Variants in TMEM184B observed in about 807,000 individuals in gnomAD.
TMEM184B encodes the protein putative MAPK-activating protein FM08.
Under a neutral mutation model 41.8 loss-of-function variants are expected in TMEM184B, and 17 were observed. The observed-to-expected ratio is 0.41, with a 90% CI of 0.28 to 0.61. The LOEUF is 0.61. TMEM184B is among the 20% of genes least tolerant of loss of function. The pLI is 0.34. For missense variants in TMEM184B, 393 were observed against 557.8 expected (o/e 0.70, Z 2.98); for synonymous variants, 240 against 229.5 (o/e 1.05, Z -0.41).
At chr22:38,244,541 C>T (rs1227470589) in intron 3 of TMEM184B, among the ~76,000 whole-genome samples, 1 of 152,080 alleles carries the variant, frequency 6.6e-6, no homozygotes, top group Non-Finnish European at 1.5e-5. Flanking sequence ...ACCACAACCT[C>T]TGCCTCCCAG....
chr22:38,222,014 G>A (rs1487740455), intron 8 of TMEM184B: 3 of 443,438 alleles, frequency 6.8e-6, no homozygotes, highest in African/African-American at 4.0e-5. Context: ...GCTATGGGCA[G>A]TGAGCCTAGA....
chr22:38,245,905 C>T, intron 3 of TMEM184B, 30 bp downstream of exon 3: 1 of 1,479,446 alleles, frequency 6.8e-7, no homozygotes, highest in African/African-American at 1.4e-5. Flanking sequence ...AGCCCCCCGC[C>T]AGCCCTCCCC....
At chr22:38,259,746 G>A (rs1444096280) in intron 1 of TMEM184B, among the ~76,000 whole-genome samples, 1 of 152,132 alleles carries the variant, frequency 6.6e-6, no homozygotes, top group Non-Finnish European at 1.5e-5. Context: ...GCATTTTATT[G>A]GTTTTTCTTA....
chr22:38,220,215 G>C lies in TMEM184B; in HGVS notation c.*1254C>G. ...CGGAGGCCCCAGGTCTAGAGGTGTG[G>C]AGGGGGAGAGGAGGGGCTTGGTGGT... is the stretch of plus-strand genomic sequence containing the variant. On this transcript the variant is annotated 3_prime_UTR_variant, in exon 9 of 9. Coordinates refer to ENST00000361906, the MANE Select transcript of TMEM184B (RefSeq NM_012264.5). 1.0e-6 allele frequency: 1 copy of C among 985,854 alleles called. No individual in the cohort carries two copies. The highest frequency in any genetic ancestry group is 1.2e-6 in the Non-Finnish European group (1 of 830,064). The allele number at this position is 985,854 out of a possible 1,614,324, so 61.1% of individuals were successfully genotyped here.
intron 8 of TMEM184B, among the ~76,000 whole-genome samples, chr22:38,224,411 G>A (rs1222352707): frequency 1.3e-5 from 2 of 152,216 alleles, no homozygotes; most frequent in Non-Finnish European, 2.9e-5. Context: ...ACCGTGCCCG[G>A]CCAGAAGTAT....
At position 38,247,868 on chromosome 22, in the gene TMEM184B, G is replaced by A; in HGVS notation, c.94C>T (p.Pro32Ser). The A allele has an allele frequency of 6.2e-7, 1 of 1,613,040 alleles. No homozygotes were observed. The highest frequency in any genetic ancestry group is 1.1e-5 in the South Asian group (1 of 90,810). The change falls in exon 2 of 9, where the codon CCC becomes TCC. Residue 32 changes from proline (P) to serine (S), a missense_variant. By Grantham distance (74) the Pro-to-Ser change is moderately conservative. Around this residue, in one of 2 missense-constraint regions of TMEM184B, gnomAD observed 122 missense variants for 123.7 expected, o/e 0.99. Coordinates refer to ENST00000361906, the MANE Select transcript of TMEM184B (RefSeq NM_012264.5). ...PSVSVIPEGSPTAMEQPVFLM... is the reference protein window; with the variant it reads ...PSVSVIPEGSSTAMEQPVFLM... ...AACACAGGCTGCTCCATGGCAGTGG[G>A]GCTGCCCTCGGGGATCACGGAGACG...
intron 1 of TMEM184B, among the ~76,000 whole-genome samples, chr22:38,253,055 T>C (rs1412771435): frequency 1.3e-5 from 2 of 152,012 alleles, no homozygotes; most frequent in East Asian, 3.9e-4. Flanking sequence ...GGCAGGAGAA[T>C]GGCGTGAACC....
chr22:38,231,166 C>T, intron 4 of TMEM184B, 78 bp downstream of exon 4: 1 of 1,226,352 alleles, frequency 8.2e-7, no homozygotes, highest in East Asian at 2.3e-5. Context: ...CTGTGTCCAG[C>T]TGGTGCCAGG....
chr22:38,266,383 G>A (rs1306310664), intron 1 of TMEM184B, among the ~76,000 whole-genome samples: 1 of 152,250 alleles, frequency 6.6e-6, no homozygotes, highest in Non-Finnish European at 1.5e-5. Flanking sequence ...GGCAGACAGG[G>A]TACGAATAGC....
intron 3 of TMEM184B, among the ~76,000 whole-genome samples, chr22:38,234,708 G>T (rs1333667651): frequency 6.6e-6 from 1 of 152,128 alleles, no homozygotes; most frequent in African/African-American, 2.4e-5. Flanking sequence ...CTTCTGTCCT[G>T]CACCCTGCTT....
At position 38,254,325 on chromosome 22, in the gene TMEM184B, C is replaced by T. The variant is rs189584396; in HGVS notation, c.-58-6306G>A. Among the ~76,000 whole-genome samples, 38 of 152,104 alleles carry T rather than the reference C, an allele frequency of 2.5e-4. No homozygotes were observed. The East Asian group carries it at 6.4e-3, about 26-fold the overall frequency. ...AGATACACAGCAAATAAGTACATGG[C>T]GCAGTGGCTCATGCCTGTAATCCCA... On this transcript the variant is annotated intron_variant, in intron 1 of 8. Transcript: ENST00000361906.
intron 1 of TMEM184B, among the ~76,000 whole-genome samples, chr22:38,264,398 G>A (rs1483934704): frequency 6.6e-6 from 1 of 152,134 alleles, no homozygotes; most frequent in Non-Finnish European, 1.5e-5. Flanking sequence ...TGAGCAGGCA[G>A]GCCAGGTGGG....
Position 38,226,697 on chromosome 22 carries a change from C to A in TMEM184B, c.617+82G>T. 2 of 1,413,516 alleles carry A rather than the reference C, an allele frequency of 1.4e-6. No individual in the cohort carries two copies. Among genetic ancestry groups the A allele is most frequent in the Non-Finnish European group, 1.9e-6 (2 of 1,029,194 alleles). 87.6% of individuals were successfully genotyped at this position (1,413,516 alleles called of 1,614,324 possible). ...GGAAGGTCATGGCTGTGCGGCCACT[C>A]TGGCTGCCCCCTTCCCTGAGCCAAG... On this transcript the variant is annotated intron_variant, in intron 6 of 8. Transcript: ENST00000361906. This position sits in a 1 kb window ranked among gnomAD's most constrained non-coding sequence, Gnocchi z 4.6.
intron 3 of TMEM184B, among the ~76,000 whole-genome samples, chr22:38,234,727 C>T (rs935408450): frequency 1.3e-5 from 2 of 152,180 alleles, no homozygotes; most frequent in African/African-American, 4.8e-5. Flanking sequence ...TTACTTCACA[C>T]ATCACCCCTC....
rs545055550 is a variant in TMEM184B, at chr22:38,255,901, A to C, written c.-58-7882T>G. Among the ~76,000 whole-genome samples the C allele has an allele frequency of 2.6e-5, 4 of 152,368 alleles. No homozygotes were observed. The South Asian group carries it at 8.3e-4, about 32-fold the overall frequency. On this transcript the variant is annotated intron_variant, in intron 1 of 8. Coordinates refer to ENST00000361906, the MANE Select transcript of TMEM184B (RefSeq NM_012264.5). ...ATGATGGGTGGGGGTGTGTAATTTT[A>C]AAGGGTACCAGGGGAGTTCCTTCCA...
At chr22:38,269,647 C>T (rs753224596) in intron 1 of TMEM184B, among the ~76,000 whole-genome samples, 2 of 152,126 alleles carry the variant, frequency 1.3e-5, no homozygotes, top group African/African-American at 2.4e-5. Flanking sequence ...CAGCAAGCTA[C>T]GATAGCACCA....
intron 2 of TMEM184B, among the ~76,000 whole-genome samples, chr22:38,246,302 G>C (rs1268246579): frequency 1.3e-5 from 2 of 152,242 alleles, no homozygotes; most frequent in African/African-American, 4.8e-5. Context: ...CAGCGGGCGT[G>C]CACAAGGCTC....
chr22:38,224,522 A>G (rs1320894378), intron 8 of TMEM184B, among the ~76,000 whole-genome samples: 2 of 152,246 alleles, frequency 1.3e-5, no homozygotes, highest in Admixed American at 6.5e-5. Context: ...TCTATTCATT[A>G]CAGTCTCTGT....
At chr22:38,256,363 A>AC (rs1330387841) in intron 1 of TMEM184B, among the ~76,000 whole-genome samples, 2 of 151,274 alleles carry the variant, frequency 1.3e-5, no homozygotes, top group East Asian at 3.9e-4. Context: ...ACAGGCACCC[A>AC]CCACCATGCC....
Sources: allele counts gnomAD v4.1 joint callset (sites outside exome capture counted in the v4.1 genomes callset), GRCh38; gene constraint gnomAD v4.1.1; regional missense constraint gnomAD v4.1.1; non-coding constraint Gnocchi (gnomAD v3.1); transcripts MANE v1.5; gene names NCBI Gene and HGNC (gene_info 2026-07-23, HGNC 2026-07-21).